The following SLC2A1 variants were observed in gnomAD, a reference collection of about 807,000 sequenced individuals.
SLC2A1 encodes solute carrier family 2, facilitated glucose transporter member 1.
A neutral mutation model predicts 46.6 loss-of-function variants in SLC2A1; 4 were observed. The ratio of observed to expected loss-of-function variants is 0.09; its 90% CI spans 0.04 to 0.20. SLC2A1 has a LOEUF of 0.20. Ranked by LOEUF, SLC2A1 falls within the 10% of genes least tolerant of loss-of-function variation. The probability of loss-of-function intolerance (pLI) is 1.00; values close to 1 mark genes in which losing one functional copy is unlikely to be tolerated. For synonymous variants in SLC2A1, 253 were observed against 270.0 expected (o/e 0.94, Z 0.62); for missense variants, 352 against 667.0 (o/e 0.53, Z 5.20).
intron 1 of SLC2A1, among the ~76,000 whole-genome samples, chr1:42,945,618 C>T (rs539790971): frequency 4.6e-5 from 7 of 151,580 alleles, no homozygotes; most frequent in Non-Finnish European, 1.0e-4. Context: ...CATGGTGGTG[C>T]GTGCCTGTAG....
chr1:42,955,634 C>G (rs966844315), intron 1 of SLC2A1, among the ~76,000 whole-genome samples: 2 of 152,142 alleles, frequency 1.3e-5, no homozygotes, highest in Non-Finnish European at 2.9e-5. Flanking sequence ...GCTGTCTGCA[C>G]CACAAAGGGG....
intron 1 of SLC2A1, among the ~76,000 whole-genome samples, chr1:42,946,689 C>CCAAT (rs5773795): frequency 0.15 from 22,060 of 152,014 alleles, 1,808 homozygotes; most frequent in South Asian, 0.19. Flanking sequence ...GAAATGGGGA[C>CCAAT]CAGTCAGATT....
At position 42,929,407 on chromosome 1, in the gene SLC2A1, G is replaced by T; in HGVS notation, c.868-93C>A. On this transcript the variant is annotated intron_variant, in intron 6 of 9. Transcript: ENST00000426263. The surrounding 1 kb of genome is among the most constrained non-coding windows in gnomAD (Gnocchi z 6.0). ...GGATGTGGGACCCAGGATGAGTAAA[G>T]AATGAAGGGGACAAATACTCAGGCA... is the stretch of plus-strand genomic sequence containing the variant. 1 of 1,158,736 alleles carries T rather than the reference G, an allele frequency of 8.6e-7. No homozygotes were observed. The highest frequency in any genetic ancestry group is 1.3e-6 in the Non-Finnish European group (1 of 785,216). 71.8% of individuals were successfully genotyped at this position (1,158,736 alleles called of 1,614,324 possible).
intron 2 of SLC2A1, among the ~76,000 whole-genome samples, chr1:42,935,406 A>G (rs1005448839): frequency 2.0e-5 from 3 of 152,086 alleles, no homozygotes; most frequent in Non-Finnish European, 4.4e-5. Flanking sequence ...GTGAGACTAC[A>G]TGTCTGCCCA....
chr1:42,931,248 A>G, intron 2 of SLC2A1, 42 bp from the exon 3 acceptor site: 1 of 1,600,778 alleles, frequency 6.2e-7, no homozygotes. Flanking sequence ...GCCAGGGGCC[A>G]GGACCCAGTC....
chr1:42,958,193 C>A (rs1428591771), intron 1 of SLC2A1, among the ~76,000 whole-genome samples: 1 of 151,806 alleles, frequency 6.6e-6, no homozygotes, highest in African/African-American at 2.4e-5. Context: ...GCGCCGGGGC[C>A]GGGGCCGGGC....
Position 42,926,342 on chromosome 1 carries a change from T to C in SLC2A1, c.*699A>G. 1 of 161,292 alleles carries C rather than the reference T, an allele frequency of 6.2e-6. No homozygotes were observed. The highest frequency in any genetic ancestry group is 1.8e-4 in the East Asian group (1 of 5,704). The allele number at this position is 161,292 out of a possible 1,614,324, so 10.0% of individuals were successfully genotyped here. A position where few individuals can be genotyped will look rare whatever the true frequency, so the allele number is the denominator to read the frequency against. On this transcript the variant is annotated 3_prime_UTR_variant, in exon 10 of 10. Coordinates refer to ENST00000426263, the MANE Select transcript of SLC2A1 (RefSeq NM_006516.4). ...GGAGTCTCCATGTCTTCTTGAGCAG[T>C]GAGTTTGCAGGCTCCCACAGGCCCT...
rs2124449385 is a variant in SLC2A1, at chr1:42,929,966, G to C, written c.586C>G (p.Pro196Ala). ...AGCACGATGCACTGCAGCAGGGCCG[G>C]GATGAAGATGATGCTCAGCAGCAGG... ...WPLLLSIIFI[P>A]ALLQCIVLPF... Residue 196 changes from proline to alanine, a missense_variant, in exon 5 of 10, where the codon CCG becomes GCG. Around this residue, in one of 5 missense-constraint regions of SLC2A1, gnomAD observed 167 missense variants for 280.8 expected, o/e 0.59. Transcript: ENST00000426263. The surrounding 1 kb of genome is among the most constrained non-coding windows in gnomAD (Gnocchi z 6.0). 6.2e-7 allele frequency: 1 copy of C among 1,614,184 alleles called. No homozygotes were observed. The highest frequency in any genetic ancestry group is 8.5e-7 in the Non-Finnish European group (1 of 1,180,016).
At chr1:42,956,432 A>AAAAAAAAAAAAAAAAAAAAAC (rs1643776590) in intron 1 of SLC2A1, among the ~76,000 whole-genome samples, 1 of 73,234 alleles carries the variant, frequency 1.4e-5, no homozygotes, top group African/African-American at 6.8e-5. Flanking sequence ...AAAAAAAAAA[A>AAAAAAAAAAAAAAAAAAAAAC]ACATTAGCTG....
intron 2 of SLC2A1, among the ~76,000 whole-genome samples, chr1:42,938,123 C>G (rs1421897284): frequency 2.0e-5 from 3 of 152,228 alleles, no homozygotes; most frequent in African/African-American, 7.2e-5. Context: ...CTACTGGCAG[C>G]TCAGTCATTT....
intron 1 of SLC2A1, chr1:42,951,567 T>G (rs1180807054): frequency 3.0e-6 from 1 of 333,492 alleles, no homozygotes; most frequent in Non-Finnish European, 5.4e-6. Flanking sequence ...TATCTACACA[T>G]GCACAAAGAG....
intron 1 of SLC2A1, among the ~76,000 whole-genome samples, chr1:42,946,373 C>T (rs1643655475): frequency 6.6e-6 from 1 of 152,062 alleles, no homozygotes; most frequent in Admixed American, 6.6e-5. Flanking sequence ...GAGCTGGGGC[C>T]CCGGATGAAA....
At chr1:42,958,581 C>A (rs1274867904) in intron 1 of SLC2A1, 53 bp downstream of exon 1, 1 of 1,484,226 alleles carries the variant, frequency 6.7e-7, no homozygotes, top group Non-Finnish European at 8.9e-7. Flanking sequence ...GTAAGGCGGG[C>A]AGGAGTCTGC....
At chr1:42,932,051 T>C (rs567384758) in intron 2 of SLC2A1, among the ~76,000 whole-genome samples, 2 of 152,116 alleles carry the variant, frequency 1.3e-5, no homozygotes, top group Non-Finnish European at 2.9e-5. Flanking sequence ...AACTCACACA[T>C]GTCACCCTTC....
intron 1 of SLC2A1, among the ~76,000 whole-genome samples, chr1:42,947,373 C>T (rs953722018): frequency 3.3e-5 from 5 of 152,076 alleles, no homozygotes; most frequent in Admixed American, 1.3e-4. Context: ...CAGGCCTTTG[C>T]TCTTGCTATG....
Position 42,927,589 on chromosome 1 carries a change from C to G in SLC2A1, c.1278+16G>C. ...TCATGCGTGCGGGTGAGTATAGAGACAGTGGGGGTTCTCACCTCCACATAC... is the reference window on the plus strand; with the variant it reads ...TCATGCGTGCGGGTGAGTATAGAGAGAGTGGGGGTTCTCACCTCCACATAC... On this transcript the variant is annotated intron_variant, in intron 9 of 9. Coordinates refer to ENST00000426263, the MANE Select transcript of SLC2A1 (RefSeq NM_006516.4). This position sits in a 1 kb window ranked among gnomAD's most constrained non-coding sequence, Gnocchi z 5.3. 1 of 1,321,842 alleles carries G rather than the reference C, an allele frequency of 7.6e-7. No homozygotes were observed. The highest frequency in any genetic ancestry group is 2.5e-5 in the East Asian group (1 of 40,260). 81.9% of individuals were successfully genotyped at this position (1,321,842 alleles called of 1,614,324 possible).
In SLC2A1 at chr1:42,931,068, G is replaced by A; in HGVS notation, c.253C>T (p.Leu85Phe). 6.2e-7 allele frequency: 1 copy of A among 1,614,154 alleles called. No homozygotes were observed. The highest frequency in any genetic ancestry group is 8.5e-7 in the Non-Finnish European group (1 of 1,180,016). ...TACCGGCCAAAGCGGTTAACGAAAA[G>A]GCCCACAGAGAAGGAGCCAATCATG... ...GGMIGSFSVGLFVNRFGRRNS... is the reference protein window; with the variant it reads ...GGMIGSFSVGFFVNRFGRRNS... The change falls in exon 3 of 10, where the codon CTT becomes TTT. Residue 85 changes from leucine (L) to phenylalanine (F), a missense_variant. This residue lies in a region of SLC2A1 where 97 missense variants were observed against 175.6 expected (regional missense o/e 0.55). Transcript: ENST00000426263.
In SLC2A1 at chr1:42,930,340, G is replaced by A. The variant is rs1643475224; in HGVS notation, c.516+286C>T. On this transcript the variant is annotated intron_variant, in intron 4 of 9. Transcript: ENST00000426263. This position sits in a 1 kb window ranked among gnomAD's most constrained non-coding sequence, Gnocchi z 6.2. ...GGGGACAGGGAAGGGGAAGCCTCCT[G>A]GAGAGAGGGTACTGTGCATAACAGC... 1 of 637,560 alleles carries A rather than the reference G, an allele frequency of 1.6e-6. No individual in the cohort carries two copies. The highest frequency in any genetic ancestry group is 2.8e-6 in the Non-Finnish European group (1 of 352,372). The allele number at this position is 637,560 out of a possible 1,614,324, so 39.5% of individuals were successfully genotyped here. A position where few individuals can be genotyped will look rare whatever the true frequency, so the allele number is the denominator to read the frequency against.
chr1:42,943,656 ACT>A (rs1557651371), intron 1 of SLC2A1, among the ~76,000 whole-genome samples: 1 of 151,324 alleles, frequency 6.6e-6, no homozygotes, highest in Non-Finnish European at 1.5e-5. Context: ...GTGGTTCTAG[ACT>A]CTCTGACTGG....
Sources: gnomAD v4.1 joint callset for allele counts (sites outside exome capture counted in the v4.1 genomes callset) on GRCh38, gnomAD v4.1.1 for gene constraint, gnomAD v4.1.1 regional missense constraint, Gnocchi (gnomAD v3.1) non-coding constraint, MANE v1.5 for transcripts, NCBI Gene and HGNC (gene_info 2026-07-23, HGNC 2026-07-21) for gene names.